PTPRM: variants seen among roughly 807,000 people sequenced by gnomAD.
The protein encoded by PTPRM is protein tyrosine phosphatase receptor type M.
A neutral mutation model predicts 186.7 loss-of-function variants in PTPRM; 47 were observed. That is an observed-to-expected ratio of 0.25 (90% CI 0.20 to 0.32). PTPRM has a LOEUF of 0.32. Ranked by LOEUF, PTPRM falls within the 10% of genes least tolerant of loss-of-function variation. The pLI is 1.00. For missense variants in PTPRM, 1,494 were observed against 1,865.0 expected (o/e 0.80, Z 3.66); for synonymous variants, 668 against 674.9 (o/e 0.99, Z 0.16).
intron 1 of PTPRM, among the ~76,000 whole-genome samples, chr18:7,712,563 A>G (rs1197840529): frequency 6.6e-6 from 1 of 152,052 alleles, no homozygotes; most frequent in African/African-American, 2.4e-5. Flanking sequence ...GGTAATAACA[A>G]TCTCCTGCGA....
At chr18:8,086,564 A>G (rs1212704008) in intron 10 of PTPRM, among the ~76,000 whole-genome samples, 1 of 152,148 alleles carries the variant, frequency 6.6e-6, no homozygotes, top group East Asian at 1.9e-4. Flanking sequence ...TGAGTGTGGA[A>G]GTGTTGAGTT....
chr18:7,643,899 A>G (rs1279332753), intron 1 of PTPRM, among the ~76,000 whole-genome samples: 4 of 152,178 alleles, frequency 2.6e-5, no homozygotes, highest in Non-Finnish European at 2.9e-5. Flanking sequence ...AAAACATTCT[A>G]TTATGAAAAC....
At chr18:7,781,156 C>A (rs999156859) in intron 2 of PTPRM, among the ~76,000 whole-genome samples, 10 of 152,072 alleles carry the variant, frequency 6.6e-5, no homozygotes, top group Non-Finnish European at 1.5e-4. Context: ...GCTAAATGGG[C>A]AGCTTTTGCT....
At chr18:7,652,099 G>A (rs1159760207) in intron 1 of PTPRM, among the ~76,000 whole-genome samples, 2 of 152,134 alleles carry the variant, frequency 1.3e-5, no homozygotes, top group Non-Finnish European at 2.9e-5. Flanking sequence ...GAAGGACATG[G>A]ACACACTCTT....
chr18:8,128,783 G>A (rs1400680768), intron 13 of PTPRM, among the ~76,000 whole-genome samples: 3 of 152,094 alleles, frequency 2.0e-5, no homozygotes, highest in Non-Finnish European at 4.4e-5. Flanking sequence ...CACTGAAATA[G>A]TATTATTTTC....
chr18:8,240,639 GAGAGAGAGAGAGAGAAAGAA>G (rs1568583553), intron 14 of PTPRM, among the ~76,000 whole-genome samples: 1 of 70,710 alleles, frequency 1.4e-5, no homozygotes, highest in African/African-American at 8.1e-5. Flanking sequence ...GAGAGAGAGA[GAGAGAGAGAGAGAGAAAGAA>G]AGAAAGAAAG....
intron 9 of PTPRM, among the ~76,000 whole-genome samples, chr18:8,082,031 G>A (rs2090155488): frequency 6.6e-6 from 1 of 152,106 alleles, no homozygotes; most frequent in Non-Finnish European, 1.5e-5. Flanking sequence ...CCTTAGTAAA[G>A]CGTTTGCTTG....
intron 14 of PTPRM, among the ~76,000 whole-genome samples, chr18:8,221,929 G>C (rs761184950): frequency 1.3e-5 from 2 of 152,154 alleles, no homozygotes; most frequent in Non-Finnish European, 2.9e-5. Context: ...ATACCACACT[G>C]TACCCAGTTC....
At chr18:8,381,794 AAG>A (rs2095738171) in intron 29 of PTPRM, among the ~76,000 whole-genome samples, 1 of 152,198 alleles carries the variant, frequency 6.6e-6, no homozygotes, top group African/African-American at 2.4e-5. Context: ...CTAGAGTCTT[AAG>A]TTGCAGACAC....
chr18:8,004,115 G>T (rs571397004), intron 7 of PTPRM, among the ~76,000 whole-genome samples: 20 of 152,244 alleles, frequency 1.3e-4, no homozygotes, highest in Non-Finnish European at 2.2e-4. Context: ...TGACAGAGGG[G>T]GAATCTCAGC....
chr18:7,828,856 G>A (rs954433825), intron 2 of PTPRM, among the ~76,000 whole-genome samples: 14 of 152,180 alleles, frequency 9.2e-5, no homozygotes, highest in South Asian at 8.3e-4. Flanking sequence ...GAATAAGTAT[G>A]AGCAAAAAAA....
chr18:7,867,923 T>C (rs1351895660), intron 2 of PTPRM, among the ~76,000 whole-genome samples: 1 of 152,196 alleles, frequency 6.6e-6, no homozygotes, highest in Non-Finnish European at 1.5e-5. Context: ...TAATTTTGTC[T>C]TCATGCTTTA....
intron 1 of PTPRM, among the ~76,000 whole-genome samples, chr18:7,608,293 C>T (rs942673869): frequency 1.3e-5 from 2 of 152,168 alleles, no homozygotes; most frequent in Admixed American, 1.3e-4. Context: ...CATGCTTCTG[C>T]ACACTCCTGA....
chr18:7,828,583 C>T (rs754525101), intron 2 of PTPRM, among the ~76,000 whole-genome samples: 31 of 152,210 alleles, frequency 2.0e-4, no homozygotes, highest in Admixed American at 3.9e-4. Context: ...TACAGGGAGG[C>T]GCTTCATTTA....
intron 11 of PTPRM, among the ~76,000 whole-genome samples, chr18:8,094,500 A>G (rs1418023165): frequency 1.3e-5 from 2 of 152,196 alleles, no homozygotes; most frequent in African/African-American, 4.8e-5. Flanking sequence ...TGGGAGGCCA[A>G]GGTTGGAGGA....
At chr18:8,367,434 A>C (rs1033873286) in intron 23 of PTPRM, among the ~76,000 whole-genome samples, 1 of 152,240 alleles carries the variant, frequency 6.6e-6, no homozygotes, top group Non-Finnish European at 1.5e-5. Context: ...GTGCGAAGTC[A>C]GCACCGTGCC....
intron 2 of PTPRM, among the ~76,000 whole-genome samples, chr18:7,784,865 G>A (rs1054167466): frequency 1.7e-4 from 26 of 152,174 alleles, no homozygotes; most frequent in African/African-American, 5.8e-4. Flanking sequence ...ATGCTCTGGG[G>A]GAAGCTCCAT....
chr18:8,098,979 C>G (rs73387765), intron 11 of PTPRM, among the ~76,000 whole-genome samples: 196 of 152,268 alleles, frequency 1.3e-3, no homozygotes, highest in African/African-American at 4.4e-3. Context: ...CTGGGGCAGC[C>G]TCCCTTCCAC....
At chr18:8,167,257 A>G (rs545343068) in intron 14 of PTPRM, among the ~76,000 whole-genome samples, 1 of 152,328 alleles carries the variant, frequency 6.6e-6, no homozygotes, top group African/African-American at 2.4e-5. Context: ...AGCCTGTCTT[A>G]CCCACATGCG....
Sources: allele counts gnomAD v4.1 joint callset (sites outside exome capture counted in the v4.1 genomes callset), GRCh38; gene constraint gnomAD v4.1.1; transcripts MANE v1.5; gene names NCBI Gene and HGNC (gene_info 2026-07-23, HGNC 2026-07-21).